TTC28: variants seen among roughly 807,000 people sequenced by gnomAD.
TTC28 encodes the protein tetratricopeptide repeat protein 28.
TTC28 carries 61 observed loss-of-function variants against 198.0 expected under a neutral mutation model. That is an observed-to-expected ratio of 0.31 (90% CI 0.25 to 0.38). The LOEUF is 0.38. Among genes scored for constraint, TTC28 ranks in the 10% least tolerant of loss-of-function variants. The pLI is 1.00. For missense variants in TTC28, 2,678 were observed against 3,164.0 expected, an observed-to-expected ratio of 0.85 and a Z score of 3.69; for synonymous variants, 1,171 against 1,297.8, an observed-to-expected ratio of 0.90 and a Z score of 2.10.
intron 14 of TTC28, chr22:28,008,633 G>A (rs1307794703): frequency 6.6e-6 from 1 of 152,236 alleles, no homozygotes. Context: ...CAAGGATCCT[G>A]AAAGATCCCC....
At chr22:28,194,100 A>T (rs1036323107) in intron 5 of TTC28, among the ~76,000 whole-genome samples, 3 of 152,234 alleles carry the variant, frequency 2.0e-5, no homozygotes, top group African/African-American at 7.2e-5. Context: ...CCACAGTGCA[A>T]TCAAATTAGA....
intron 2 of TTC28, among the ~76,000 whole-genome samples, chr22:28,594,237 A>C (rs1601603618): frequency 1.3e-5 from 2 of 149,596 alleles, no homozygotes; most frequent in East Asian, 3.9e-4. Context: ...TTAAATAAAT[A>C]ATCGTTTATT....
chr22:28,106,971 C>A, intron 7 of TTC28, 91 bp downstream of exon 7: 1 of 1,445,916 alleles, frequency 6.9e-7, no homozygotes, highest in East Asian at 2.5e-5. Flanking sequence ...TTGTAGTTAA[C>A]AAACTGCCAT....
At chr22:28,491,937 A>G (rs1392049326) in intron 2 of TTC28, among the ~76,000 whole-genome samples, 10 of 152,368 alleles carry the variant, frequency 6.6e-5, no homozygotes, top group African/African-American at 2.4e-4. Context: ...GCCATAAAAA[A>G]GGATGAGTTC....
At chr22:28,550,051 T>C (rs1179781753) in intron 2 of TTC28, among the ~76,000 whole-genome samples, 1 of 152,198 alleles carries the variant, frequency 6.6e-6, no homozygotes, top group African/African-American at 2.4e-5. Flanking sequence ...ATAACCATTT[T>C]CTCTATGACT....
At chr22:28,160,465 A>G (rs1481071101) in intron 6 of TTC28, among the ~76,000 whole-genome samples, 1 of 152,248 alleles carries the variant, frequency 6.6e-6, no homozygotes. Context: ...ACAAGTGGCA[A>G]TACAATGGAA....
intron 2 of TTC28, among the ~76,000 whole-genome samples, chr22:28,529,949 G>T (rs1026218392): frequency 3.3e-5 from 5 of 152,082 alleles, no homozygotes; most frequent in African/African-American, 9.7e-5. Flanking sequence ...ACAAAAATGG[G>T]GAAAAACCAG....
At chr22:27,990,629 G>A (rs1487089758) in intron 20 of TTC28, among the ~76,000 whole-genome samples, 160 bp downstream of exon 20, 6 of 152,146 alleles carry the variant, frequency 3.9e-5, no homozygotes, top group Non-Finnish European at 4.4e-5. Context: ...GGGACGGGCC[G>A]CCAGTCCAGC....
chr22:28,334,537 A>C (rs540961831), intron 2 of TTC28, among the ~76,000 whole-genome samples: 1 of 152,012 alleles, frequency 6.6e-6, no homozygotes, highest in East Asian at 1.9e-4. Context: ...TTTTAATGAT[A>C]CCCATTCTAA....
intron 2 of TTC28, among the ~76,000 whole-genome samples, chr22:28,562,559 A>G (rs1053012118): frequency 6.6e-6 from 1 of 152,202 alleles, no homozygotes. Context: ...AAGAATGAGC[A>G]TGTACCTTCT....
chr22:28,463,441 C>T (rs1350914127), intron 2 of TTC28, among the ~76,000 whole-genome samples: 2 of 152,278 alleles, frequency 1.3e-5, no homozygotes, highest in African/African-American at 4.8e-5. Flanking sequence ...ATAAATCATG[C>T]TACTATAATG....
At chr22:28,358,455 A>G (rs1460704929) in intron 2 of TTC28, among the ~76,000 whole-genome samples, 1 of 152,198 alleles carries the variant, frequency 6.6e-6, no homozygotes, top group East Asian at 1.9e-4. Context: ...TACAATTTCT[A>G]AATGTCAGTT....
chr22:28,541,501 T>C (rs2049410524), intron 2 of TTC28, among the ~76,000 whole-genome samples: 1 of 152,058 alleles, frequency 6.6e-6, no homozygotes, highest in Non-Finnish European at 1.5e-5. Context: ...CCAAACACTT[T>C]CTAAAAGAAA....
intron 3 of TTC28, among the ~76,000 whole-genome samples, chr22:28,306,243 CAGTT>C (rs1338990092): frequency 3.3e-5 from 5 of 152,156 alleles, no homozygotes; most frequent in Non-Finnish European, 7.4e-5. Flanking sequence ...CACTGTCATA[CAGTT>C]AGTTAATGAA....
chr22:28,455,901 T>G (rs2047852088), intron 2 of TTC28, among the ~76,000 whole-genome samples: 1 of 152,106 alleles, frequency 6.6e-6, no homozygotes, highest in Non-Finnish European at 1.5e-5. Context: ...GGGTCATGCC[T>G]GTAATCCCAG....
chr22:28,101,845 A>G (rs1376158482), intron 8 of TTC28, among the ~76,000 whole-genome samples: 1 of 151,666 alleles, frequency 6.6e-6, no homozygotes, highest in Non-Finnish European at 1.5e-5. Context: ...TAAAATGAGG[A>G]CAAGAGCTGA....
chr22:28,503,134 A>G (rs1319850517), intron 2 of TTC28, among the ~76,000 whole-genome samples: 1 of 152,012 alleles, frequency 6.6e-6, no homozygotes, highest in Non-Finnish European at 1.5e-5. Flanking sequence ...CAGTTTCTAA[A>G]CCTAACAATA....
chr22:28,468,540 A>C (rs2048055525), intron 2 of TTC28, among the ~76,000 whole-genome samples: 1 of 150,554 alleles, frequency 6.6e-6, no homozygotes, highest in African/African-American at 2.4e-5. Context: ...TTTTTGAGAC[A>C]GAGTCTCACT....
intron 2 of TTC28, among the ~76,000 whole-genome samples, chr22:28,322,812 G>A (rs896930789): frequency 1.3e-5 from 2 of 152,152 alleles, no homozygotes; most frequent in Non-Finnish European, 2.9e-5. Context: ...CTAACATCAA[G>A]GCATCCATAG....
Sources: gnomAD v4.1 joint callset for allele counts (sites outside exome capture counted in the v4.1 genomes callset) on GRCh38, gnomAD v4.1.1 for gene constraint, MANE v1.5 for transcripts, NCBI Gene and HGNC (gene_info 2026-07-23, HGNC 2026-07-21) for gene names.